GSK3B: variants seen among roughly 807,000 people sequenced by gnomAD.
The protein encoded by GSK3B is glycogen synthase kinase-3 beta.
In GSK3B, 15 loss-of-function variants were observed where a neutral mutation model predicts 56.4. That is an observed-to-expected ratio of 0.27 (90% confidence interval 0.18 to 0.41). GSK3B has a LOEUF of 0.41. GSK3B is among the 10% of genes least tolerant of loss of function. GSK3B has a pLI of 1.00. For synonymous variants in GSK3B, 181 were observed against 188.9 expected (o/e 0.96, Z 0.34); for missense variants, 300 against 513.4 (o/e 0.58, Z 4.02).
intron 4 of GSK3B, among the ~76,000 whole-genome samples, chr3:119,919,684 G>A (rs550546757): frequency 6.6e-6 from 1 of 152,048 alleles, no homozygotes; most frequent in African/African-American, 2.4e-5. Context: ...TCAACTATTT[G>A]CTGGCAAAAA....
At chr3:120,000,918 CTT>C (rs71156781) in intron 2 of GSK3B, among the ~76,000 whole-genome samples, 19 of 91,048 alleles carry the variant, frequency 2.1e-4, no homozygotes, top group African/African-American at 5.1e-4. Context: ...ATGTAATCTC[CTT>C]TTTTTTTTTT....
At chr3:119,844,409 A>G (rs1048218685) in intron 9 of GSK3B, among the ~76,000 whole-genome samples, 6 of 152,070 alleles carry the variant, frequency 3.9e-5, no homozygotes. Context: ...TTTTTTGAAA[A>G]GATTAACAAA....
intron 2 of GSK3B, among the ~76,000 whole-genome samples, chr3:119,961,364 A>T (rs761257226): frequency 4.6e-5 from 7 of 152,180 alleles, no homozygotes; most frequent in Admixed American, 1.3e-4. Context: ...GCAGTGGCTC[A>T]CACCTGTAAT....
intron 1 of GSK3B, among the ~76,000 whole-genome samples, chr3:120,057,400 C>T (rs1024888443): frequency 9.9e-5 from 15 of 152,166 alleles, no homozygotes; most frequent in Non-Finnish European, 2.9e-5. Flanking sequence ...AACCAACCAA[C>T]TCTATCCTAA....
intron 9 of GSK3B, among the ~76,000 whole-genome samples, chr3:119,852,974 T>C (rs2055960839): frequency 6.6e-6 from 1 of 152,232 alleles, no homozygotes; most frequent in Admixed American, 6.5e-5. Flanking sequence ...TTGCTTTTGG[T>C]GTTTTAGTCA....
rs111599903 is a variant in GSK3B at position 119,899,328 on chromosome 3, A to G, written c.813+6427T>C. On this transcript the variant is annotated intron_variant, in intron 7 of 10. Transcript: ENST00000264235. ...GAACTGTGGTTGGCTCTGGGTAACT[A>G]AAACAGTAGAAAGTGATACCTGTGG... Among the ~76,000 whole-genome samples the G allele has an allele frequency of 1.8e-3, 275 of 152,266 alleles. 1 individual carries two copies. Among genetic ancestry groups the G allele is most frequent in the African/African-American group, 6.4e-3 (266 of 41,558 alleles).
At chr3:119,923,044 G>A (rs372915062) in intron 4 of GSK3B, among the ~76,000 whole-genome samples, 8 of 152,132 alleles carry the variant, frequency 5.3e-5, no homozygotes, top group East Asian at 3.9e-4. Flanking sequence ...TATATGATAC[G>A]CTCCTATTTT....
At chr3:119,833,625 ACAAAT>A (rs1181561721) in intron 10 of GSK3B, among the ~76,000 whole-genome samples, 8 of 152,148 alleles carry the variant, frequency 5.3e-5, no homozygotes, top group Admixed American at 5.2e-4. Context: ...CATATTTTAG[ACAAAT>A]CAAATGAGCC....
intron 9 of GSK3B, among the ~76,000 whole-genome samples, chr3:119,850,633 T>A (rs962217160): frequency 6.6e-6 from 1 of 152,120 alleles, no homozygotes; most frequent in Non-Finnish European, 1.5e-5. Flanking sequence ...TGTCTACCCA[T>A]GGCAATGAGT....
intron 8 of GSK3B, among the ~76,000 whole-genome samples, chr3:119,875,551 G>C (rs78710783): frequency 0.016 from 2,395 of 145,850 alleles, 63 homozygotes; most frequent in African/African-American, 0.058. Context: ...ACACACAGAA[G>C]TTTAATCCCG....
chr3:119,853,838 A>T (rs149613315), intron 9 of GSK3B, among the ~76,000 whole-genome samples: 4,172 of 152,214 alleles, frequency 0.027, 183 homozygotes, highest in African/African-American at 0.092. Flanking sequence ...GATGGGGTTT[A>T]CTAAATATAC....
At position 120,082,308 on chromosome 3, in the gene GSK3B, CA is replaced by C. The variant is rs555636649; in HGVS notation, c.88+11038del. Among the ~76,000 whole-genome samples the C allele has an allele frequency of 9.3e-5, 14 of 151,194 alleles. No individual in the cohort carries two copies. In the South Asian group the frequency reaches 2.9e-3, roughly 32 times the overall value. ...ATTCCTGGACAAAATTCTAAGCCTG[CA>C]CTGTCCAATACAATAACCACTAGCA... is the stretch of plus-strand genomic sequence containing the variant. On this transcript the variant is annotated intron_variant, in intron 1 of 10. Coordinates refer to ENST00000264235, the MANE Select transcript of GSK3B (RefSeq NM_001146156.2).
intron 6 of GSK3B, among the ~76,000 whole-genome samples, chr3:119,908,773 A>G (rs78723661): frequency 0.026 from 3,933 of 152,290 alleles, 174 homozygotes; most frequent in African/African-American, 0.088. Flanking sequence ...GATGTCCCAG[A>G]GGGCAAAACT....
intron 7 of GSK3B, among the ~76,000 whole-genome samples, chr3:119,884,981 C>A (rs949050892): frequency 5.3e-5 from 8 of 151,994 alleles, no homozygotes; most frequent in Admixed American, 2.6e-4. Flanking sequence ...ACCAGAAGTG[C>A]TAGCCAGAGC....
intron 2 of GSK3B, among the ~76,000 whole-genome samples, chr3:119,952,140 A>C (rs577032164): frequency 1.3e-5 from 2 of 152,286 alleles, no homozygotes; most frequent in Non-Finnish European, 2.9e-5. Flanking sequence ...AGAAGAAATA[A>C]TGGCTGAACA....
chr3:119,876,376 C>G, intron 8 of GSK3B, 37 bp downstream of exon 8: 1 of 1,061,034 alleles, frequency 9.4e-7, no homozygotes, highest in Non-Finnish European at 1.5e-6. Flanking sequence ...TTTTAGTTAA[C>G]TACTGATTAA....
chr3:120,079,153 G>A (rs1301102467), intron 1 of GSK3B, among the ~76,000 whole-genome samples: 1 of 150,766 alleles, frequency 6.6e-6, no homozygotes, highest in African/African-American at 2.4e-5. Flanking sequence ...TGTTGGCCAG[G>A]GTGGTCTCGA....
At chr3:120,057,854 C>G (rs1282490008) in intron 1 of GSK3B, among the ~76,000 whole-genome samples, 1 of 151,950 alleles carries the variant, frequency 6.6e-6, no homozygotes, top group Non-Finnish European at 1.5e-5. Flanking sequence ...AATCATTAAC[C>G]CATTAAATAG....
rs575273823 is a variant in GSK3B, at chr3:120,010,749, C to T, written c.89-8510G>A. 2.6e-5 allele frequency among the ~76,000 whole-genome samples: 4 copies of T among 151,168 alleles called. No individual in the cohort carries two copies. In the East Asian group the frequency reaches 5.8e-4, roughly 22 times the overall value. On this transcript the variant is annotated intron_variant, in intron 1 of 10. Coordinates refer to ENST00000264235, the MANE Select transcript of GSK3B (RefSeq NM_001146156.2). ...TTTGGCCTGGGTGACAAAGGGAGAC[C>T]CTGTCTCTAAATAAATAAATAAATA...
Sources: allele counts gnomAD v4.1 joint callset (sites outside exome capture counted in the v4.1 genomes callset), GRCh38; gene constraint gnomAD v4.1.1; transcripts MANE v1.5; gene names NCBI Gene and HGNC (gene_info 2026-07-23, HGNC 2026-07-21).